The following SCN8A variants were observed in gnomAD, a reference collection of about 807,000 sequenced individuals.
SCN8A encodes the protein sodium voltage-gated channel alpha subunit 8.
SCN8A carries 30 observed loss-of-function variants against 184.1 expected under a neutral mutation model. That is an observed-to-expected ratio of 0.16 (90% CI 0.12 to 0.22). SCN8A has a LOEUF of 0.22. Among genes scored for constraint, SCN8A ranks in the 10% least tolerant of loss-of-function variants. The probability of loss-of-function intolerance (pLI) is 1.00; values close to 1 mark genes in which losing one functional copy is unlikely to be tolerated. For missense variants in SCN8A, 1,057 were observed against 2,498.9 expected (o/e 0.42, Z 12.30); for synonymous variants, 852 against 907.0 (o/e 0.94, Z 1.09).
intron 12 of SCN8A, among the ~76,000 whole-genome samples, chr12:51,740,959 A>AT (rs1431013045): frequency 1.3e-5 from 2 of 151,884 alleles, no homozygotes; most frequent in East Asian, 3.9e-4. Context: ...TAATTTTTGT[A>AT]TTTTTTTGTA....
chr12:51,788,624 TTGGGACCC>T, intron 22 of SCN8A, 63 bp from the exon 23 acceptor site: 1 of 1,255,236 alleles, frequency 8.0e-7, no homozygotes, highest in Admixed American at 2.1e-5. Flanking sequence ...AGCCTGGCCT[TTGGGACCC>T]CTGCCTAGAC....
At chr12:51,711,222 A>C (rs914815898) in intron 11 of SCN8A, among the ~76,000 whole-genome samples, 1 of 152,242 alleles carries the variant, frequency 6.6e-6, no homozygotes, top group Non-Finnish European at 1.5e-5. Context: ...TGATTATTCT[A>C]TAGGCTTTAG....
At chr12:51,707,885 G>A (rs4762001) in intron 11 of SCN8A, among the ~76,000 whole-genome samples, 119,920 of 152,020 alleles carry the variant, frequency 0.79, 48,643 homozygotes, top group East Asian at 0.9. Flanking sequence ...TTGGCCCTAT[G>A]TTTTCCAGGC....
In SCN8A at chr12:51,789,373, G is replaced by A. The variant is rs770902059; in HGVS notation, c.4374G>A (p.Leu1458=). The change falls in exon 24 of 27, where the codon CTG becomes CTA. Residue 1458 remains leucine, a synonymous_variant. Coordinates refer to ENST00000627620, the MANE Select transcript of SCN8A (RefSeq NM_001330260.2). ...IIFGSFFTLN[L]FIGVIIDNFN... ...TCGGCTCCTTCTTCACCCTGAACCTGTTCATTGGTGTCATCATTGATAACT... is the reference window on the plus strand; with the variant it reads ...TCGGCTCCTTCTTCACCCTGAACCTATTCATTGGTGTCATCATTGATAACT... The A allele has an allele frequency of 1.2e-6, 2 of 1,613,966 alleles. No homozygotes were observed. The highest frequency in any genetic ancestry group is 1.7e-6 in the Non-Finnish European group (2 of 1,179,930).
chr12:51,602,497 G>C (rs1349536246), intron 1 of SCN8A, among the ~76,000 whole-genome samples: 1 of 152,190 alleles, frequency 6.6e-6, no homozygotes, highest in Non-Finnish European at 1.5e-5. Context: ...GTTTCAGCTT[G>C]AGAAAATGAG....
intron 2 of SCN8A, among the ~76,000 whole-genome samples, chr12:51,676,824 T>C (rs974646722): frequency 1.6e-4 from 25 of 152,166 alleles, no homozygotes; most frequent in Non-Finnish European, 2.2e-4. Context: ...AGCCAGAAGC[T>C]CATCAGATGC....
chr12:51,760,922 T>A (rs1942753308), intron 14 of SCN8A, among the ~76,000 whole-genome samples: 1 of 152,242 alleles, frequency 6.6e-6, no homozygotes, highest in Non-Finnish European at 1.5e-5. Flanking sequence ...TAATTCAGTA[T>A]ATTTCCAAAC....
chr12:51,670,312 A>G (rs1941109188), intron 2 of SCN8A, among the ~76,000 whole-genome samples: 1 of 152,246 alleles, frequency 6.6e-6, no homozygotes, highest in African/African-American at 2.4e-5. Flanking sequence ...GTGTAATTCC[A>G]GGTGATCTTG....
At chr12:51,644,962 G>T (rs1940537603) in intron 1 of SCN8A, among the ~76,000 whole-genome samples, 1 of 151,544 alleles carries the variant, frequency 6.6e-6, no homozygotes, top group Admixed American at 6.6e-5. Flanking sequence ...CCTCCGCCCA[G>T]CAGCCACCCC....
intron 1 of SCN8A, among the ~76,000 whole-genome samples, chr12:51,635,709 TAAAG>T (rs1013773062): frequency 6.6e-6 from 1 of 152,064 alleles, no homozygotes; most frequent in Non-Finnish European, 1.5e-5. Context: ...AATGGGGAAA[TAAAG>T]AAAGTACACC....
chr12:51,674,083 G>C (rs1250990628), intron 2 of SCN8A, among the ~76,000 whole-genome samples: 1 of 152,234 alleles, frequency 6.6e-6, no homozygotes, highest in African/African-American at 2.4e-5. Flanking sequence ...TGTAACTGAA[G>C]CATAGAGTGT....
intron 1 of SCN8A, among the ~76,000 whole-genome samples, chr12:51,648,337 G>T (rs1395404861): frequency 1.3e-5 from 2 of 152,086 alleles, no homozygotes; most frequent in Non-Finnish European, 2.9e-5. Flanking sequence ...TCAGTAGCTG[G>T]GACTATAGGC....
intron 1 of SCN8A, among the ~76,000 whole-genome samples, chr12:51,628,023 A>AT (rs1279015119): frequency 6.6e-6 from 1 of 152,248 alleles, no homozygotes; most frequent in Non-Finnish European, 1.5e-5. Flanking sequence ...AGAAATTGGT[A>AT]TACAGACTGG....
At chr12:51,677,056 G>GTTTTGTTTTA (rs201642006) in intron 2 of SCN8A, among the ~76,000 whole-genome samples, 2 of 133,112 alleles carry the variant, frequency 1.5e-5, no homozygotes, top group East Asian at 4.6e-4. Flanking sequence ...TTATTGTTTT[G>GTTTTGTTTTA]TTTTATTTTA....
intron 1 of SCN8A, among the ~76,000 whole-genome samples, chr12:51,599,115 A>G (rs746336920): frequency 1.1e-4 from 17 of 152,182 alleles, no homozygotes; most frequent in Admixed American, 2.0e-4. Flanking sequence ...ATTGCTGTCT[A>G]TGAGTGAATT....
At chr12:51,628,348 C>T (rs1940124330) in intron 1 of SCN8A, among the ~76,000 whole-genome samples, 1 of 152,196 alleles carries the variant, frequency 6.6e-6, no homozygotes, top group Non-Finnish European at 1.5e-5. Flanking sequence ...AAGGTTGAGA[C>T]TTAATGCTTA....
chr12:51,653,801 G>C (rs1442660371), intron 1 of SCN8A, among the ~76,000 whole-genome samples: 1 of 152,142 alleles, frequency 6.6e-6, no homozygotes, highest in East Asian at 1.9e-4. Context: ...ACTAGAGTCT[G>C]AATTTCTCAA....
intron 2 of SCN8A, 118 bp downstream of exon 2, chr12:51,663,211 T>G: frequency 8.2e-7 from 1 of 1,215,622 alleles, no homozygotes; most frequent in Non-Finnish European, 1.2e-6. Flanking sequence ...ACCTTTTGTT[T>G]CAGTTCTGGC....
chr12:51,674,777 C>G (rs564305428), intron 2 of SCN8A, among the ~76,000 whole-genome samples: 2 of 152,316 alleles, frequency 1.3e-5, no homozygotes, highest in Non-Finnish European at 2.9e-5. Context: ...TTAAGGACTC[C>G]TTGTGACCCT....
Sources: allele counts gnomAD v4.1 joint callset (sites outside exome capture counted in the v4.1 genomes callset), GRCh38; gene constraint gnomAD v4.1.1; transcripts MANE v1.5; gene names NCBI Gene and HGNC (gene_info 2026-07-23, HGNC 2026-07-21).